The following LAMA1 variants were observed in gnomAD, a reference collection of about 807,000 sequenced individuals.
LAMA1 encodes laminin subunit alpha-1.
A neutral mutation model predicts 348.7 loss-of-function variants in LAMA1; 219 were observed. The observed-to-expected ratio is 0.63, with a 90% CI of 0.56 to 0.70. LAMA1 has a LOEUF of 0.70. Among genes scored for constraint, LAMA1 ranks in the 30% least tolerant of loss-of-function variants. The pLI is 0.00. For synonymous variants in LAMA1, 1,487 were observed against 1,491.0 expected (o/e 1.00, Z 0.06); for missense variants, 3,744 against 3,888.0 (o/e 0.96, Z 0.99).
At chr18:6,982,266 C>T (rs1486885829) in intron 41 of LAMA1, among the ~76,000 whole-genome samples, 1 of 152,014 alleles carries the variant, frequency 6.6e-6, no homozygotes, top group Non-Finnish European at 1.5e-5. Context: ...GAGATGACTG[C>T]ACAATAAAGG....
intron 28 of LAMA1, among the ~76,000 whole-genome samples, chr18:7,007,913 T>TTTA (rs1568028350): frequency 0.02 from 2,705 of 136,820 alleles, 35 homozygotes; most frequent in Middle Eastern, 0.04. Context: ...ATTACTCCAC[T>TTTA]TTTATTTATT....
In LAMA1 at chr18:6,956,653, C is replaced by T. The variant is rs758858492; in HGVS notation, c.8077G>A (p.Glu2693Lys). The T allele has an allele frequency of 2.5e-6, 4 of 1,614,196 alleles. No individual in the cohort carries two copies. Among genetic ancestry groups the T allele is most frequent in the Non-Finnish European group, 3.4e-6 (4 of 1,180,034 alleles). The change falls in exon 56 of 63, where the codon GAG (glutamate) becomes AAG (lysine). Residue 2693 changes from glutamate to lysine, a missense_variant. Physicochemically the swap from Glu to Lys is moderately conservative, Grantham distance 56 (BLOSUM62 1). Coordinates refer to ENST00000389658, the MANE Select transcript of LAMA1 (RefSeq NM_005559.4). ...GCTCCTACTGGAAAAGCCCGGGGCT[C>T]TGGCAAGAGCTTGCTGTCCTCTGCA... ...PDAEDSKLLP[E>K]PRAFPEQCVV...
chr18:6,998,807 C>A (rs550935948), intron 32 of LAMA1, among the ~76,000 whole-genome samples: 7 of 152,094 alleles, frequency 4.6e-5, no homozygotes, highest in African/African-American at 1.2e-4. Context: ...CCAAGGCAGG[C>A]GGATTGCCTG....
chr18:6,966,038 T>C lies in LAMA1; in HGVS notation c.7050+109A>G, dbSNP rs2057631456. On this transcript the variant is annotated intron_variant, in intron 49 of 62. Coordinates refer to ENST00000389658, the MANE Select transcript of LAMA1 (RefSeq NM_005559.4). Reference sequence around the variant, plus strand: ...GCATATGCTCATAAAAATTGTATGGTATACATATGTACATATTTAATTAGT... The same window carrying C: ...GCATATGCTCATAAAAATTGTATGGCATACATATGTACATATTTAATTAGT... The C allele has an allele frequency of 1.4e-5, 17 of 1,196,848 alleles. No individual in the cohort carries two copies. The South Asian group carries it at 2.2e-4, about 16-fold the overall frequency. 74.1% of individuals were successfully genotyped at this position (1,196,848 alleles called of 1,614,324 possible). A position where few individuals can be genotyped will look rare whatever the true frequency, so the allele number is the denominator to read the frequency against.
At chr18:6,942,270 G>A in intron 62 of LAMA1, 31 bp from the exon 63 acceptor site, 1 of 1,612,046 alleles carries the variant, frequency 6.2e-7, no homozygotes, top group Non-Finnish European at 8.5e-7. Context: ...GACAAATCTT[G>A]CTTAATTTTG....
chr18:7,050,547 C>T (rs1230879571), intron 4 of LAMA1, 147 bp downstream of exon 4: 1 of 1,060,774 alleles, frequency 9.4e-7, no homozygotes, highest in East Asian at 2.5e-5. Context: ...TGTGAAATTA[C>T]TTATAATAGA....
chr18:6,992,638 C>T lies in LAMA1; in HGVS notation c.5091G>A (p.Gln1697=). ...TGATTTCTAGCAAAGATGTACCATT[C>T]TGTTGCATGTTCTGAAGAGTAGAAT... ...LPNSTLQNMQ[Q]NGTSLLEIMQ... is the part of the protein sequence containing the mutation. Residue 1697 remains glutamine (Q), a synonymous_variant, in exon 36 of 63, where the codon CAG becomes CAA. Transcript: ENST00000389658. 1 of 1,613,738 alleles carries T rather than the reference C, an allele frequency of 6.2e-7. No individual in the cohort carries two copies. The highest frequency in any genetic ancestry group is 1.1e-5 in the South Asian group (1 of 91,072).
At chr18:7,025,725 C>T (rs1035315809) in intron 17 of LAMA1, among the ~76,000 whole-genome samples, 9 of 152,178 alleles carry the variant, frequency 5.9e-5, no homozygotes, top group East Asian at 3.9e-4. Context: ...CAACTGATGA[C>T]CAAGAGGAAT....
chr18:6,957,337 T>C (rs954885213), intron 55 of LAMA1: 2 of 141,928 alleles, frequency 1.4e-5, no homozygotes, highest in African/African-American at 5.9e-5. Flanking sequence ...AGCATGAGGA[T>C]GCCTCATGAA....
At chr18:6,965,575 G>T in intron 49 of LAMA1, 143 bp from the exon 50 acceptor site, 1 of 888,028 alleles carries the variant, frequency 1.1e-6, no homozygotes, top group Non-Finnish European at 1.8e-6. Context: ...TATCGGCTAC[G>T]AAACCAAAAA....
chr18:7,046,415 T>A (rs758356209), intron 5 of LAMA1, 48 bp from the exon 6 acceptor site: 6 of 1,166,466 alleles, frequency 5.1e-6, no homozygotes, highest in Non-Finnish European at 7.7e-6. Context: ...TAGATTTCAG[T>A]GAAATGAAAA....
intron 48 of LAMA1, among the ~76,000 whole-genome samples, chr18:6,967,296 T>G (rs2144020339): frequency 6.6e-6 from 1 of 152,348 alleles, no homozygotes; most frequent in Non-Finnish European, 1.5e-5. Context: ...AGAAATGCAC[T>G]CTAGATAAAT....
intron 3 of LAMA1, among the ~76,000 whole-genome samples, chr18:7,057,631 T>C (rs2058087385): frequency 6.7e-6 from 1 of 148,840 alleles, no homozygotes; most frequent in Admixed American, 6.7e-5. Context: ...AGCCACACCA[T>C]GCCTGGCTGA....
In LAMA1 at chr18:6,975,956, T is replaced by A; in HGVS notation, c.6470A>T (p.Tyr2157Phe). ...KTQEPDNLLF[Y>F]LGSSTASDFL... ...ACTTACAGCGGTGCTGCTACCGAGG[T>A]AGAAGAGAAGATTATCGGGTTCCTG... Residue 2157 changes from tyrosine (Y) to phenylalanine (F), a missense_variant, in exon 45 of 63, where the codon TAC becomes TTC. This residue lies in a region of LAMA1 where 1,983 missense variants were observed against 1,934.3 expected (regional missense o/e 1.03). Coordinates refer to ENST00000389658, the MANE Select transcript of LAMA1 (RefSeq NM_005559.4). The A allele has an allele frequency of 6.2e-7, 1 of 1,614,150 alleles. No homozygotes were observed. Among genetic ancestry groups the A allele is most frequent in the Non-Finnish European group, 8.5e-7 (1 of 1,180,040 alleles).
chr18:7,018,361 A>G lies in LAMA1; in HGVS notation c.2702-977T>C, dbSNP rs188793124. 4.5e-3 allele frequency among the ~76,000 whole-genome samples: 668 copies of G among 149,380 alleles called. 9 individuals are homozygous for G. The highest frequency in any genetic ancestry group is 0.015 in the African/African-American group (618 of 40,422). On this transcript the variant is annotated intron_variant, in intron 19 of 62. Coordinates refer to ENST00000389658, the MANE Select transcript of LAMA1 (RefSeq NM_005559.4). ...CAAAAAAAAAAAAAAAAAAAAAAGAACATTTAATATGTTGCCTGACAAAAT... is the reference window on the plus strand; with the variant it reads ...CAAAAAAAAAAAAAAAAAAAAAAGAGCATTTAATATGTTGCCTGACAAAAT...
intron 33 of LAMA1, among the ~76,000 whole-genome samples, chr18:6,997,206 GGCACGCGCCACCACATCCA>G (rs1487701591): frequency 6.6e-6 from 1 of 152,090 alleles, no homozygotes; most frequent in East Asian, 1.9e-4. Flanking sequence ...TGGGACTACA[GGCACGCGCCACCACATCCA>G]GCTAATTTTT....
rs754572644 is a variant in LAMA1 at position 7,009,257 on chromosome 18, T to C, written c.3983A>G (p.Gln1328Arg). ...CAAGTACCTGCTCTGCTGTAATCCT[T>C]GACCATACGATGCCTTGATGAGGAT... ...EYILIKASYG[Q>R]GLQQSRISDI... is the part of the protein sequence containing the mutation. Residue 1328 changes from glutamine to arginine, a missense_variant, in exon 27 of 63, where the codon CAA (glutamine) becomes CGA (arginine). By Grantham distance (43) the Gln-to-Arg change is conservative (BLOSUM62 1). This residue lies in a region of LAMA1 where 1,983 missense variants were observed against 1,934.3 expected (regional missense o/e 1.03). Transcript: ENST00000389658. 2 of 1,614,120 alleles carry C rather than the reference T, an allele frequency of 1.2e-6. No individual in the cohort carries two copies. Among genetic ancestry groups the C allele is most frequent in the East Asian group, 4.5e-5 (2 of 44,860 alleles).
At chr18:6,986,052 C>T in intron 37 of LAMA1, 85 bp downstream of exon 37, 2 of 1,492,666 alleles carry the variant, frequency 1.3e-6, no homozygotes, top group South Asian at 1.1e-5. Context: ...GCCACCCAGC[C>T]AGGCCAGGGC....
chr18:7,011,915 C>T, intron 24 of LAMA1, 80 bp downstream of exon 24: 1 of 1,507,784 alleles, frequency 6.6e-7, no homozygotes, highest in Non-Finnish European at 9.0e-7. Flanking sequence ...AATGTGAACA[C>T]TTGGCTGTGT....
Sources: allele counts gnomAD v4.1 joint callset (sites outside exome capture counted in the v4.1 genomes callset), GRCh38; gene constraint gnomAD v4.1.1; regional missense constraint gnomAD v4.1.1; transcripts MANE v1.5; gene names NCBI Gene and HGNC (gene_info 2026-07-23, HGNC 2026-07-21).